Variants in ENOX2 observed in about 807,000 individuals in gnomAD.
ENOX2 encodes APK1 antigen.
ENOX2 carries 36 observed loss-of-function variants against 45.0 expected under a neutral mutation model. The observed-to-expected ratio is 0.80, with a 90% CI of 0.61 to 1.06. ENOX2 has a LOEUF of 1.06. Ranked by LOEUF, ENOX2 falls within the 50% of genes least tolerant of loss-of-function variation. The probability of loss-of-function intolerance (pLI) is 0.00; values close to 1 mark genes in which losing one functional copy is unlikely to be tolerated. For missense variants in ENOX2, 423 were observed against 462.5 expected, an observed-to-expected ratio of 0.91 and a Z score of 0.78; for synonymous variants, 174 against 152.3, an observed-to-expected ratio of 1.14 and a Z score of -1.05.
intron 2 of ENOX2, among the ~76,000 whole-genome samples, chrX:130,873,416 A>G (rs1210692543): frequency 8.9e-6 from 1 of 112,125 alleles, no homozygotes; most frequent in Non-Finnish European, 1.9e-5. Flanking sequence ...GAGGATGTGG[A>G]GAAATAGGAA....
At chrX:130,817,838 TC>T (rs1387204432) in intron 2 of ENOX2, among the ~76,000 whole-genome samples, 1 of 112,048 alleles carries the variant, frequency 8.9e-6, no homozygotes, top group Non-Finnish European at 1.9e-5. Context: ...CTGGAAGCAT[TC>T]CCTTTGAAAA....
At chrX:130,665,326 G>C (rs1248624563) in intron 9 of ENOX2, among the ~76,000 whole-genome samples, 1 of 111,982 alleles carries the variant, frequency 8.9e-6, no homozygotes, top group East Asian at 2.8e-4. Flanking sequence ...TAGAAGCGCA[G>C]GTCAGTAATT....
intron 2 of ENOX2, among the ~76,000 whole-genome samples, chrX:130,863,564 A>T (rs2078443764): frequency 8.9e-6 from 1 of 112,319 alleles, no homozygotes; most frequent in South Asian, 3.7e-4. Flanking sequence ...CTAAATGAAT[A>T]CCTATAATTT....
At chrX:130,848,730 C>T (rs914704288) in intron 2 of ENOX2, among the ~76,000 whole-genome samples, 1 of 110,911 alleles carries the variant, frequency 9.0e-6, no homozygotes, top group African/African-American at 3.3e-5. Context: ...TAAAAAACTG[C>T]AATCCCAGTG....
chrX:130,821,742 T>TAAAAAAAAA lies in ENOX2; in HGVS notation c.-182-38061_-182-38053dup. The stretch of plus-strand genomic sequence containing the variant: ...AATAAATAAAAATAAATAAATAAAT[T>TAAAAAAAAA]AAAAAAAAAAAAAAAAAAAAAAAAA... On this transcript the variant is annotated intron_variant, in intron 2 of 14. Coordinates refer to ENST00000394363, the MANE Select transcript of ENOX2 (RefSeq NM_006375.4). Among the ~76,000 whole-genome samples the TAAAAAAAAA allele has an allele frequency of 8.7e-3, 202 of 23,143 alleles. 1 individual carries two copies. The highest frequency in any genetic ancestry group is 0.031 in the Middle Eastern group (1 of 32). 20.1% of individuals were successfully genotyped at this position (23,143 alleles called of 115,157 possible). A position where few individuals can be genotyped will look rare whatever the true frequency, so the allele number is the denominator to read the frequency against.
chrX:130,697,946 T>C (rs2037804552), intron 4 of ENOX2, among the ~76,000 whole-genome samples: 1 of 111,656 alleles, frequency 9.0e-6, no homozygotes, highest in Admixed American at 9.5e-5. Context: ...TCCACAGCAT[T>C]TACCTACACA....
chrX:130,698,671 G>C (rs184974257), intron 4 of ENOX2, among the ~76,000 whole-genome samples: 60 of 111,675 alleles, frequency 5.4e-4, no homozygotes, highest in Non-Finnish European at 9.8e-4. Flanking sequence ...CCGAAGTCCA[G>C]GCCTTCCTGA....
At chrX:130,761,682 A>G (rs1220295019) in intron 3 of ENOX2, among the ~76,000 whole-genome samples, 1 of 111,149 alleles carries the variant, frequency 9.0e-6, no homozygotes, top group Non-Finnish European at 1.9e-5. Context: ...TCACATGGTG[A>G]AAGCAGGTAC....
chrX:130,865,196 A>C (rs1162413325), intron 2 of ENOX2, among the ~76,000 whole-genome samples: 1 of 111,708 alleles, frequency 9.0e-6, no homozygotes, highest in Non-Finnish European at 1.9e-5. Flanking sequence ...GTAGTTATTC[A>C]TTTTGAGGCC....
intron 12 of ENOX2, among the ~76,000 whole-genome samples, chrX:130,633,158 G>A (rs369451934): frequency 7.0e-4 from 78 of 111,649 alleles, no homozygotes; most frequent in South Asian, 2.3e-3. Context: ...AGTTCTTTCC[G>A]CACTAAGACA....
chrX:130,717,245 C>T (rs1173581388), intron 3 of ENOX2, among the ~76,000 whole-genome samples: 2 of 112,037 alleles, frequency 1.8e-5, no homozygotes, highest in Non-Finnish European at 3.8e-5. Flanking sequence ...AAGTACACAA[C>T]CCCACCAGTT....
intron 3 of ENOX2, among the ~76,000 whole-genome samples, chrX:130,709,637 C>CAAAAAA (rs60183563): frequency 6.7e-5 from 2 of 29,930 alleles, no homozygotes; most frequent in South Asian, 2.0e-3. Context: ...GACTCTGTCT[C>CAAAAAA]AAAAAAAAAA....
chrX:130,804,361 G>C (rs1377222357), intron 2 of ENOX2, among the ~76,000 whole-genome samples: 2 of 111,943 alleles, frequency 1.8e-5, no homozygotes, highest in African/African-American at 6.5e-5. Flanking sequence ...GGCAAGAAGT[G>C]ATGTCTAAAC....
chrX:130,848,195 G>A (rs889078514), intron 2 of ENOX2, among the ~76,000 whole-genome samples: 58 of 111,212 alleles, frequency 5.2e-4, no homozygotes, highest in African/African-American at 1.6e-3. Context: ...AAGAGCCATC[G>A]TTCAATTTAT....
chrX:130,625,568 C>A (rs1284532527), intron 14 of ENOX2, 123 bp from the exon 15 acceptor site: 16 of 662,809 alleles, frequency 2.4e-5, no homozygotes, highest in South Asian at 3.6e-5. Context: ...GTTTAACCTC[C>A]TCCTGCTCCT....
At chrX:130,844,815 C>T (rs1345962073) in intron 2 of ENOX2, among the ~76,000 whole-genome samples, 1 of 111,984 alleles carries the variant, frequency 8.9e-6, no homozygotes, top group Non-Finnish European at 1.9e-5. Flanking sequence ...GCTATGGAAA[C>T]ATGTAACAAT....
intron 3 of ENOX2, among the ~76,000 whole-genome samples, chrX:130,759,269 G>A (rs906024129): frequency 3.6e-5 from 4 of 110,750 alleles, no homozygotes; most frequent in South Asian, 3.8e-4. Flanking sequence ...TTTACCCATG[G>A]ATGTCCAATT....
chrX:130,735,436 G>A (rs1224568613), intron 3 of ENOX2, among the ~76,000 whole-genome samples: 2 of 111,657 alleles, frequency 1.8e-5, no homozygotes, highest in African/African-American at 6.5e-5. Flanking sequence ...AATGATGTTG[G>A]CTGGGTATAC....
intron 3 of ENOX2, among the ~76,000 whole-genome samples, chrX:130,774,016 T>C (rs1327971381): frequency 1.8e-5 from 2 of 111,768 alleles, no homozygotes; most frequent in Admixed American, 1.9e-4. Flanking sequence ...AAGAGAAAAT[T>C]GCAAATTAGG....
Sources: gnomAD v4.1 joint callset for allele counts (sites outside exome capture counted in the v4.1 genomes callset) on GRCh38, gnomAD v4.1.1 for gene constraint, MANE v1.5 for transcripts, NCBI Gene and HGNC (gene_info 2026-07-23, HGNC 2026-07-21) for gene names.